EPS8: variants seen among roughly 807,000 people sequenced by gnomAD.
The protein encoded by EPS8 is EGFR pathway substrate 8, signaling adaptor, also known as epidermal growth factor receptor kinase substrate 8.
In EPS8, 42 loss-of-function variants were observed where a neutral mutation model predicts 103.8. That is an observed-to-expected ratio of 0.40 (90% CI 0.32 to 0.52). The LOEUF is 0.52. Ranked by LOEUF, EPS8 falls within the 20% of genes least tolerant of loss-of-function variation. The pLI is 0.40. For synonymous variants in EPS8, 344 were observed against 344.6 expected (o/e 1.00, Z 0.02); for missense variants, 969 against 1,005.1 (o/e 0.96, Z 0.49).
At chr12:15,676,216 C>T (rs1041035075) in intron 3 of EPS8, among the ~76,000 whole-genome samples, 2 of 145,046 alleles carry the variant, frequency 1.4e-5, no homozygotes, top group African/African-American at 5.1e-5. Flanking sequence ...GCCGAGATTG[C>T]GCCACTGCAC....
At chr12:15,641,893 A>G in intron 15 of EPS8, 63 bp from the exon 16 acceptor site, 1 of 899,174 alleles carries the variant, frequency 1.1e-6, no homozygotes, top group Non-Finnish European at 1.7e-6. Flanking sequence ...AAAAATGGAA[A>G]ACACTGAGAC....
In EPS8 at chr12:15,746,120, CA is replaced by C. The variant is rs1288890302; in HGVS notation, c.-22+43040del. On this transcript the variant is annotated intron_variant, in intron 1 of 20. Coordinates refer to ENST00000281172, the MANE Select transcript of EPS8 (RefSeq NM_004447.6). Reference sequence around the variant, plus strand: ...CAGTTTATTAAACAAATGTTTCAGTCAGTGATGCATCTAATAGAGAACTAAT... The same window carrying C: ...CAGTTTATTAAACAAATGTTTCAGTCGTGATGCATCTAATAGAGAACTAAT... Among the ~76,000 whole-genome samples, 3 of 152,050 alleles carry C rather than the reference CA, an allele frequency of 2.0e-5. No homozygotes were observed. The East Asian group carries it at 5.8e-4, about 29-fold the overall frequency.
At chr12:15,726,727 G>A (rs911988426) in intron 1 of EPS8, among the ~76,000 whole-genome samples, 2 of 152,146 alleles carry the variant, frequency 1.3e-5, no homozygotes, top group Admixed American at 1.3e-4. Context: ...GTCTGAGCTG[G>A]TAATTAGTTA....
chr12:15,723,728 G>A (rs927062540), intron 1 of EPS8, among the ~76,000 whole-genome samples: 2 of 152,042 alleles, frequency 1.3e-5, no homozygotes, highest in Admixed American at 6.6e-5. Context: ...TCATGAAGTG[G>A]TAATCCTTAC....
At position 15,779,136 on chromosome 12, in the gene EPS8, G is replaced by A. The variant is rs1247869386; in HGVS notation, c.-22+10025C>T. On this transcript the variant is annotated intron_variant, in intron 1 of 20. Transcript: ENST00000281172. The surrounding 1 kb of genome is among the most constrained non-coding windows in gnomAD (Gnocchi z 4.3). The stretch of plus-strand genomic sequence containing the variant: ...TGGGATTACAGGTATGTGCCTCCAA[G>A]CCCGGCTAATTTTGTATTTTTAGTA... Among the ~76,000 whole-genome samples, 5 of 152,002 alleles carry A rather than the reference G, an allele frequency of 3.3e-5. No individual in the cohort carries two copies. Among genetic ancestry groups the A allele is most frequent in the African/African-American group, 9.7e-5 (4 of 41,384 alleles).
intron 12 of EPS8, among the ~76,000 whole-genome samples, chr12:15,655,554 A>AC (rs1459758320): frequency 6.6e-6 from 1 of 152,204 alleles, no homozygotes; most frequent in African/African-American, 2.4e-5. Context: ...TGAGAACAAA[A>AC]CCTACCCTGC....
chr12:15,730,581 T>C (rs1946703697), intron 1 of EPS8, among the ~76,000 whole-genome samples: 2 of 152,214 alleles, frequency 1.3e-5, no homozygotes, highest in South Asian at 4.1e-4. Flanking sequence ...TTAAGATAGA[T>C]AATTCTAGTT....
rs1946676786 is a variant in EPS8, at chr12:15,728,311, G to GA, written c.-21-45340_-21-45339insT. 6.6e-6 allele frequency: 1 copy of GA among 152,050 alleles called. No individual in the cohort carries two copies. The highest frequency in any genetic ancestry group is 2.4e-5 in the African/African-American group (1 of 41,370). 9.4% of individuals were successfully genotyped at this position (152,050 alleles called of 1,614,324 possible). A position where few individuals can be genotyped will look rare whatever the true frequency, so the allele number is the denominator to read the frequency against. ...ATTCATAGATTCCATTTTCAAACCA[G>GA]GGGGGGTGCCTTGTGGGTGTATGTG... On this transcript the variant is annotated intron_variant, in intron 1 of 20. Transcript: ENST00000281172. This position sits in a 1 kb window ranked among gnomAD's most constrained non-coding sequence, Gnocchi z 4.5.
chr12:15,703,847 G>GTTTTT lies in EPS8; in HGVS notation c.-21-20880_-21-20876dup, dbSNP rs58735135. Among the ~76,000 whole-genome samples the GTTTTT allele has an allele frequency of 1.2e-3, 75 of 61,220 alleles. 4 individuals are homozygous for GTTTTT. The highest frequency in any genetic ancestry group is 4.0e-3 in the African/African-American group (55 of 13,676). The allele number at this position is 61,220 out of a possible 152,430, so 40.2% of individuals were successfully genotyped here. On this transcript the variant is annotated intron_variant, in intron 1 of 20. Transcript: ENST00000281172. ...CACCTGTATTCTGCTCTATGTATTT[G>GTTTTT]TTTTTTTTTTTTTTTTTTTTTTTGG...
At chr12:15,788,144 C>A (rs1947328664) in intron 1 of EPS8, 1 of 152,118 alleles carries the variant, frequency 6.6e-6, no homozygotes, top group South Asian at 2.1e-4. Context: ...AATGACAAAG[C>A]CAAAAAGTCA....
chr12:15,738,325 C>T lies in EPS8; in HGVS notation c.-22+50836G>A, dbSNP rs11056622. ...ACATTGCAGATATAGGTAGTCTTCA[C>T]ATAATTAACAAGATTTTGCCTATAA... On this transcript the variant is annotated intron_variant, in intron 1 of 20. Coordinates refer to ENST00000281172, the MANE Select transcript of EPS8 (RefSeq NM_004447.6). This position sits in a 1 kb window ranked among gnomAD's most constrained non-coding sequence, Gnocchi z 6.2. Among the ~76,000 whole-genome samples the T allele has an allele frequency of 2.8e-3, 432 of 152,198 alleles. 5 individuals are homozygous for T. In the East Asian group the frequency reaches 0.031, roughly 11 times the overall value.
intron 8 of EPS8, chr12:15,662,814 T>C: frequency 5.1e-6 from 1 of 194,202 alleles, no homozygotes; most frequent in Non-Finnish European, 9.4e-6. Context: ...TATCTCATGG[T>C]AGAATAAATT....
intron 1 of EPS8, among the ~76,000 whole-genome samples, chr12:15,737,740 T>C (rs1946780372): frequency 6.6e-6 from 1 of 152,204 alleles, no homozygotes; most frequent in African/African-American, 2.4e-5. Context: ...ATGATGCTAC[T>C]GTGTTGTAGA....
intron 1 of EPS8, among the ~76,000 whole-genome samples, chr12:15,746,473 A>C (rs747284314): frequency 6.6e-6 from 1 of 152,066 alleles, no homozygotes; most frequent in Non-Finnish European, 1.5e-5. Context: ...GATAATCAAA[A>C]TGAGCTTAAC....
rs894570463 is a variant in EPS8 at position 15,728,771 on chromosome 12, A to G, written c.-21-45799T>C. On this transcript the variant is annotated intron_variant, in intron 1 of 20. Coordinates refer to ENST00000281172, the MANE Select transcript of EPS8 (RefSeq NM_004447.6). The surrounding 1 kb of genome is among the most constrained non-coding windows in gnomAD (Gnocchi z 4.5). The stretch of plus-strand genomic sequence containing the variant: ...TTGCAGAGATGCTATTTCTAGAAAT[A>G]TTTAAAGCACAATATATGTTAATAT... Among the ~76,000 whole-genome samples the G allele has an allele frequency of 1.3e-5, 2 of 152,232 alleles. No individual in the cohort carries two copies. Among genetic ancestry groups the G allele is most frequent in the Non-Finnish European group, 2.9e-5 (2 of 68,044 alleles).
chr12:15,623,181 T>C lies in EPS8; in HGVS notation c.2332A>G (p.Thr778Ala). Residue 778 changes from threonine to alanine, a missense_variant, in exon 20 of 21, where the codon ACT becomes GCT. Coordinates refer to ENST00000281172, the MANE Select transcript of EPS8 (RefSeq NM_004447.6). ...PEGARVYSQITVQKAALEDSS... is the reference protein window; with the variant it reads ...PEGARVYSQIAVQKAALEDSS... ...ACCTCCAATGCAGCTTTTTGTACAGTGATTTGGCTATAGACTCTCGCCCCT... is the reference window on the plus strand; with the variant it reads ...ACCTCCAATGCAGCTTTTTGTACAGCGATTTGGCTATAGACTCTCGCCCCT... The C allele has an allele frequency of 6.2e-7, 1 of 1,607,762 alleles. No homozygotes were observed. Among genetic ancestry groups the C allele is most frequent in the Non-Finnish European group, 8.5e-7 (1 of 1,178,154 alleles).
rs1947249335 is a variant in EPS8 at position 15,780,481 on chromosome 12, A to ACACACACACACACACAC, written c.-22+8679_-22+8680insGTGTGTGTGTGTGTGTG. 1 of 117,474 alleles carries ACACACACACACACACAC rather than the reference A, an allele frequency of 8.5e-6. No individual in the cohort carries two copies. Among genetic ancestry groups the ACACACACACACACACAC allele is most frequent in the South Asian group, 3.5e-4 (1 of 2,844 alleles). The allele number at this position is 117,474 out of a possible 1,614,324, so 7.3% of individuals were successfully genotyped here. On this transcript the variant is annotated intron_variant, in intron 1 of 20. Transcript: ENST00000281172. The surrounding 1 kb of genome is among the most constrained non-coding windows in gnomAD (Gnocchi z 4.1). Reference sequence around the variant, plus strand: ...CTCCTTTCTGCTATGTGCTGGGATAAACACACACACACACACACACACACA... The same window carrying ACACACACACACACACAC: ...CTCCTTTCTGCTATGTGCTGGGATAACACACACACACACACACACACACACACACACACACACACACA...
intron 14 of EPS8, 38 bp downstream of exon 14, chr12:15,650,780 TAATTA>T (rs1945398716): frequency 6.8e-7 from 1 of 1,463,192 alleles, no homozygotes; most frequent in African/African-American, 1.4e-5. Flanking sequence ...AATACACAGA[TAATTA>T]CACTGTCTAC....
chr12:15,637,644 A>G (rs1945159322), intron 17 of EPS8, among the ~76,000 whole-genome samples: 1 of 152,222 alleles, frequency 6.6e-6, no homozygotes, highest in South Asian at 2.1e-4. Context: ...TAAGTAATGA[A>G]TCATTGCTTC....
Sources: gnomAD v4.1 joint callset for allele counts (sites outside exome capture counted in the v4.1 genomes callset) on GRCh38, gnomAD v4.1.1 for gene constraint, Gnocchi (gnomAD v3.1) non-coding constraint, MANE v1.5 for transcripts, NCBI Gene and HGNC (gene_info 2026-07-23, HGNC 2026-07-21) for gene names.